RERE: variants seen among roughly 807,000 people sequenced by gnomAD.
RERE encodes the protein arginine-glutamic acid dipeptide repeats.
RERE carries 40 observed loss-of-function variants against 146.1 expected under a neutral mutation model. The observed-to-expected ratio is 0.27, with a 90% CI of 0.21 to 0.36. The LOEUF is 0.36. RERE is among the 10% of genes least tolerant of loss of function. The probability of loss-of-function intolerance (pLI) is 1.00; values close to 1 mark genes in which losing one functional copy is unlikely to be tolerated. For missense variants in RERE, 1,933 were observed against 2,138.7 expected (o/e 0.90, Z 1.90); for synonymous variants, 1,003 against 866.0 (o/e 1.16, Z -2.78).
chr1:8,635,936 T>C (rs1570544760), intron 2 of RERE, among the ~76,000 whole-genome samples: 1 of 85,668 alleles, frequency 1.2e-5, no homozygotes, highest in East Asian at 3.8e-4. Flanking sequence ...TGTCTTCAAT[T>C]ATTATTTTAT....
intron 1 of RERE, chr1:8,805,764 T>C (rs960418527): frequency 6.6e-6 from 1 of 150,890 alleles, no homozygotes; most frequent in East Asian, 1.9e-4. Context: ...GAGGCAAAAG[T>C]TGCAGTGAGC....
intron 12 of RERE, among the ~76,000 whole-genome samples, chr1:8,385,617 AAC>A (rs1409453380): frequency 6.6e-6 from 1 of 152,024 alleles, no homozygotes; most frequent in Non-Finnish European, 1.5e-5. Context: ...AATGTAACAA[AAC>A]ACAACCAACT....
chr1:8,568,283 C>A (rs527543405), intron 4 of RERE, among the ~76,000 whole-genome samples: 1 of 152,240 alleles, frequency 6.6e-6, no homozygotes, highest in Non-Finnish European at 1.5e-5. Flanking sequence ...TGGCCTTCAG[C>A]CTCAGACAGA....
intron 6 of RERE, among the ~76,000 whole-genome samples, chr1:8,546,192 G>A (rs1344081204): frequency 6.6e-6 from 1 of 151,042 alleles, no homozygotes; most frequent in Non-Finnish European, 1.5e-5. Flanking sequence ...TACTGCCCAG[G>A]CTGGTCTCAG....
chr1:8,443,459 GA>G (rs144499944), intron 11 of RERE, among the ~76,000 whole-genome samples: 20,686 of 112,900 alleles, frequency 0.18, 1,147 homozygotes, highest in Middle Eastern at 0.34. Flanking sequence ...CTCAAAAAAA[GA>G]AAAAAAAAAA....
intron 1 of RERE, among the ~76,000 whole-genome samples, chr1:8,763,656 C>G (rs969006681): frequency 5.9e-5 from 9 of 151,684 alleles, no homozygotes; most frequent in Admixed American, 4.6e-4. Flanking sequence ...AAACAAAAAA[C>G]AAGACCGGGC....
chr1:8,570,663 G>A (rs1646211302), intron 4 of RERE, among the ~76,000 whole-genome samples: 1 of 152,150 alleles, frequency 6.6e-6, no homozygotes, highest in East Asian at 1.9e-4. Flanking sequence ...TGACGTCTTG[G>A]TATCATTATG....
intron 6 of RERE, among the ~76,000 whole-genome samples, chr1:8,551,302 AG>A (rs1046311504): frequency 6.6e-6 from 1 of 152,242 alleles, no homozygotes; most frequent in African/African-American, 2.4e-5. Flanking sequence ...ACATGTCCTC[AG>A]TCCAATCACA....
At chr1:8,756,718 AC>A (rs1391236869) in intron 1 of RERE, among the ~76,000 whole-genome samples, 2 of 152,186 alleles carry the variant, frequency 1.3e-5, no homozygotes, top group African/African-American at 4.8e-5. Context: ...TAGAATGAAA[AC>A]ATGCAATTAT....
At chr1:8,378,605 G>A (rs1210249733) in intron 12 of RERE, among the ~76,000 whole-genome samples, 2 of 152,198 alleles carry the variant, frequency 1.3e-5, no homozygotes, top group Non-Finnish European at 1.5e-5. Flanking sequence ...GAAGACACAG[G>A]GAGAAGATGG....
chr1:8,390,547 T>C (rs1014335132), intron 12 of RERE, among the ~76,000 whole-genome samples: 1 of 152,168 alleles, frequency 6.6e-6, no homozygotes, highest in Non-Finnish European at 1.5e-5. Context: ...GGGGCACTAA[T>C]TTATCAGCCT....
rs748441968 is a variant in RERE, at chr1:8,356,259, C to A, written c.4340-13G>T. 1.3e-6 allele frequency: 2 copies of A among 1,515,982 alleles called. No individual in the cohort carries two copies. The highest frequency in any genetic ancestry group is 5.4e-5 in the East Asian group (2 of 37,302). The allele number at this position is 1,515,982 out of a possible 1,614,324, so 93.9% of individuals were successfully genotyped here. Reference sequence around the variant, plus strand: ...GGGCCTGCTGAACCTAAGGAAAGGACAAAACGCCAGATGGAGGCGGTGTGC... The same window carrying A: ...GGGCCTGCTGAACCTAAGGAAAGGAAAAAACGCCAGATGGAGGCGGTGTGC... On this transcript the variant is annotated splice_polypyrimidine_tract_variant and intron_variant, in intron 20 of 22. Transcript: ENST00000400908. This position sits in a 1 kb window ranked among gnomAD's most constrained non-coding sequence, Gnocchi z 5.2.
intron 12 of RERE, among the ~76,000 whole-genome samples, chr1:8,376,345 A>G (rs1642253327): frequency 6.6e-6 from 1 of 152,176 alleles, no homozygotes; most frequent in Non-Finnish European, 1.5e-5. Context: ...CTCAGGGTAG[A>G]GCCCCCATCC....
intron 1 of RERE, among the ~76,000 whole-genome samples, chr1:8,714,309 CAAGTAACAACTCATCCTAA>C (rs1639722212): frequency 6.6e-6 from 1 of 152,176 alleles, no homozygotes; most frequent in African/African-American, 2.4e-5. Context: ...GGGCATCATT[CAAGTAACAACTCATCCTAA>C]AAGGCCCATA....
At chr1:8,762,443 C>G (rs1049702046) in intron 1 of RERE, among the ~76,000 whole-genome samples, 5 of 152,074 alleles carry the variant, frequency 3.3e-5, no homozygotes, top group African/African-American at 1.2e-4. Flanking sequence ...AGAACTTGTG[C>G]CCATTTACTT....
chr1:8,428,305 G>A (rs17032559), intron 11 of RERE, among the ~76,000 whole-genome samples: 4,005 of 152,274 alleles, frequency 0.026, 185 homozygotes, highest in African/African-American at 0.092. Context: ...TTTCTCTGGT[G>A]TGTTCATGCC....
At chr1:8,361,549 C>T in intron 17 of RERE, 59 bp from the exon 18 acceptor site, 4 of 1,578,098 alleles carry the variant, frequency 2.5e-6, no homozygotes, top group South Asian at 2.2e-5. Flanking sequence ...GTCTGCTCTG[C>T]ACCACCAGTG....
At chr1:8,386,020 A>ATTTTTT (rs1557603339) in intron 12 of RERE, among the ~76,000 whole-genome samples, 16 of 36,688 alleles carry the variant, frequency 4.4e-4, no homozygotes, top group Non-Finnish European at 5.8e-4. Flanking sequence ...ATATATATAT[A>ATTTTTT]TATTTTTTTT....
At chr1:8,781,592 G>C (rs1641166542) in intron 1 of RERE, among the ~76,000 whole-genome samples, 1 of 151,282 alleles carries the variant, frequency 6.6e-6, no homozygotes, top group African/African-American at 2.4e-5. Context: ...AGTTACTTTG[G>C]GAAAGTTATT....
Sources: gnomAD v4.1 joint callset for allele counts (sites outside exome capture counted in the v4.1 genomes callset) on GRCh38, gnomAD v4.1.1 for gene constraint, Gnocchi (gnomAD v3.1) non-coding constraint, MANE v1.5 for transcripts, NCBI Gene and HGNC (gene_info 2026-07-23, HGNC 2026-07-21) for gene names.